The following MAVS variants were observed in gnomAD, a reference collection of about 807,000 sequenced individuals.
MAVS encodes mitochondrial antiviral signaling protein, also known as mitochondrial antiviral-signaling protein.
A neutral mutation model predicts 30.2 loss-of-function variants in MAVS; 20 were observed. That is an observed-to-expected ratio of 0.66 (90% CI 0.47 to 0.96). The LOEUF (loss-of-function observed/expected upper bound fraction) is 0.96, where lower values mean the gene tolerates loss of function less well. MAVS is among the 40% of genes least tolerant of loss of function. MAVS has a pLI of 0.00. For synonymous variants in MAVS, 278 were observed against 293.9 expected, an observed-to-expected ratio of 0.95 and a Z score of 0.55; for missense variants, 624 against 701.1, an observed-to-expected ratio of 0.89 and a Z score of 1.24.
chr20:3,854,893 T>TTTC (rs1555779992), intron 2 of MAVS, 152 bp downstream of exon 2: 70 of 314,354 alleles, frequency 2.2e-4, no homozygotes, highest in East Asian at 8.6e-4. Flanking sequence ...CTGCTTTTCT[T>TTTC]TTTTTTTTTT....
At chr20:3,853,290 T>A (rs553276658) in intron 1 of MAVS, among the ~76,000 whole-genome samples, 6 of 150,018 alleles carry the variant, frequency 4.0e-5, no homozygotes, top group Admixed American at 6.6e-5. Flanking sequence ...ATCGAGACCA[T>A]CCTGGCTAAC....
At chr20:3,852,181 A>C (rs1263138889) in intron 1 of MAVS, among the ~76,000 whole-genome samples, 5 of 151,880 alleles carry the variant, frequency 3.3e-5, no homozygotes, top group Non-Finnish European at 5.9e-5. Context: ...TTTTTAGTAG[A>C]GACGGGGTTT....
At chr20:3,850,388 G>A (rs532920799) in intron 1 of MAVS, among the ~76,000 whole-genome samples, 37 of 150,740 alleles carry the variant, frequency 2.5e-4, no homozygotes, top group African/African-American at 7.1e-4. Context: ...ACCTGAGGTC[G>A]GGAGTTCGAG....
At position 3,866,946 on chromosome 20, in the gene MAVS, T is replaced by G; in HGVS notation, c.*799T>G. 1 of 456,926 alleles carries G rather than the reference T, an allele frequency of 2.2e-6. No individual in the cohort carries two copies. Among genetic ancestry groups the G allele is most frequent in the Non-Finnish European group, 4.4e-6 (1 of 226,982 alleles). 28.3% of individuals were successfully genotyped at this position (456,926 alleles called of 1,614,324 possible). On this transcript the variant is annotated 3_prime_UTR_variant, in exon 7 of 7. Coordinates refer to ENST00000428216, the MANE Select transcript of MAVS (RefSeq NM_020746.5). ...CCTCACTTCCGGGGCTGTGTGGCTT[T>G]GGCAGATGTCAGACTTCTGGTCTTG... is the stretch of plus-strand genomic sequence containing the variant.
In MAVS at chr20:3,866,903, A is replaced by G; in HGVS notation, c.*756A>G. ...CACCTGGTGGGCAGAGCTCAGGCAG[A>G]GGTTTGGATTTCAGCTCCCTCACTT... On this transcript the variant is annotated 3_prime_UTR_variant, in exon 7 of 7. Transcript: ENST00000428216. 1 of 457,142 alleles carries G rather than the reference A, an allele frequency of 2.2e-6. No homozygotes were observed. Among genetic ancestry groups the G allele is most frequent in the Middle Eastern group, 3.3e-4 (1 of 3,076 alleles). 28.3% of individuals were successfully genotyped at this position (457,142 alleles called of 1,614,324 possible).
At chr20:3,855,036 G>T (rs1468157278) in intron 2 of MAVS, among the ~76,000 whole-genome samples, 3 of 151,968 alleles carry the variant, frequency 2.0e-5, no homozygotes, top group Admixed American at 2.0e-4. Flanking sequence ...GATTACAGGT[G>T]CGTGCCACCA....
rs1431362232 is a variant in MAVS, at chr20:3,873,176, T to C, written c.*7029T>C. ...ATCTAAGTCAGTGCTGTGTTGTGAA[T>C]GTAGGTGTACCCTTTGAATTCATAT... On this transcript the variant is annotated 3_prime_UTR_variant, in exon 7 of 7. Transcript: ENST00000428216. 6.6e-6 allele frequency: 1 copy of C among 152,106 alleles called. No homozygotes were observed. The highest frequency in any genetic ancestry group is 2.4e-5 in the African/African-American group (1 of 41,402). The allele number at this position is 152,106 out of a possible 1,614,324, so 9.4% of individuals were successfully genotyped here. A position where few individuals can be genotyped will look rare whatever the true frequency, so the allele number is the denominator to read the frequency against.
rs769995482 is a variant in MAVS, at chr20:3,866,161, T to C, written c.*14T>C. 1.9e-6 allele frequency: 3 copies of C among 1,559,490 alleles called. No homozygotes were observed. Among genetic ancestry groups the C allele is most frequent in the East Asian group, 2.3e-5 (1 of 44,306 alleles). On this transcript the variant is annotated 3_prime_UTR_variant, in exon 7 of 7. Transcript: ENST00000428216. ...CGTCTGCACTAGTGAAGCCCTGGGC[T>C]CTTCCCACCACCCATCTGTTCCGTT...
chr20:3,862,603 G>GT (rs2089875268), intron 5 of MAVS, among the ~76,000 whole-genome samples, 190 bp downstream of exon 5: 1 of 149,552 alleles, frequency 6.7e-6, no homozygotes, highest in Admixed American at 6.7e-5. Flanking sequence ...GTCCACTCCA[G>GT]TTTTCCAAAT....
rs142525670 is a variant in MAVS at position 3,860,404 on chromosome 20, C to T, written c.293-928C>T. On this transcript the variant is annotated intron_variant, in intron 3 of 6. Transcript: ENST00000428216. ...TTTTTTTTTTTTTGAGACGGAGTCT[C>T]GCTCTTGTTGCCCAGGCTGGAGTGC... Among the ~76,000 whole-genome samples, 259 of 138,684 alleles carry T rather than the reference C, an allele frequency of 1.9e-3. 2 individuals carry two copies. Among genetic ancestry groups the T allele is most frequent in the African/African-American group, 6.8e-3 (246 of 35,960 alleles). The allele number at this position is 138,684 out of a possible 152,430, so 91.0% of individuals were successfully genotyped here.
intron 1 of MAVS, among the ~76,000 whole-genome samples, chr20:3,848,989 G>A (rs1164760284): frequency 6.6e-6 from 1 of 151,888 alleles, no homozygotes; most frequent in Non-Finnish European, 1.5e-5. Context: ...CTCCTTACTG[G>A]TCTCCCAGTT....
intron 1 of MAVS, among the ~76,000 whole-genome samples, chr20:3,847,188 G>C (rs569834246): frequency 6.6e-6 from 1 of 152,192 alleles, no homozygotes; most frequent in Non-Finnish European, 1.5e-5. Flanking sequence ...GGCCAGAAGG[G>C]GACGGGCAGC....
chr20:3,864,105 C>T, intron 5 of MAVS, 151 bp from the exon 6 acceptor site: 1 of 873,166 alleles, frequency 1.1e-6, no homozygotes, highest in Non-Finnish European at 1.8e-6. Flanking sequence ...AAGCAGTGAC[C>T]AAAGGGACTG....
At chr20:3,863,055 C>T (rs1161375189) in intron 5 of MAVS, among the ~76,000 whole-genome samples, 1 of 152,166 alleles carries the variant, frequency 6.6e-6, no homozygotes, top group African/African-American at 2.4e-5. Flanking sequence ...CTGTAGGGAA[C>T]AGCCAGGGCC....
chr20:3,853,727 G>A lies in MAVS; in HGVS notation c.-67-831G>A, dbSNP rs535795089. Among the ~76,000 whole-genome samples the A allele has an allele frequency of 7.2e-5, 11 of 152,120 alleles. No individual in the cohort carries two copies. The South Asian group carries it at 2.3e-3, about 32-fold the overall frequency. The stretch of plus-strand genomic sequence containing the variant: ...GAGGATTGCTTGAGCCCACGAGTTC[G>A]AGGCTGCAGTGAACTATTATTGCAC... On this transcript the variant is annotated intron_variant, in intron 1 of 6. Transcript: ENST00000428216.
rs1045990062 is a variant in MAVS, at chr20:3,867,080, T to A, written c.*933T>A. 8.8e-6 allele frequency: 4 copies of A among 456,518 alleles called. No homozygotes were observed. The highest frequency in any genetic ancestry group is 1.8e-5 in the Non-Finnish European group (4 of 226,952). The allele number at this position is 456,518 out of a possible 1,614,324, so 28.3% of individuals were successfully genotyped here. A position where few individuals can be genotyped will look rare whatever the true frequency, so the allele number is the denominator to read the frequency against. On this transcript the variant is annotated 3_prime_UTR_variant, in exon 7 of 7. Transcript: ENST00000428216. ...TGGCCCAGAGCAAGTGGCCACTGCTTCTCCCATCTCTCTCCTGCCCAACCT... is the reference window on the plus strand; with the variant it reads ...TGGCCCAGAGCAAGTGGCCACTGCTACTCCCATCTCTCTCCTGCCCAACCT...
At chr20:3,860,865 C>T (rs190974086) in intron 3 of MAVS, among the ~76,000 whole-genome samples, 11 of 151,864 alleles carry the variant, frequency 7.2e-5, no homozygotes, top group African/African-American at 1.9e-4. Context: ...TTAGTAGAGA[C>T]GGGGTTTCAC....
chr20:3,862,943 T>C (rs1467659436), intron 5 of MAVS, among the ~76,000 whole-genome samples: 3 of 151,968 alleles, frequency 2.0e-5, no homozygotes, highest in South Asian at 2.1e-4. Context: ...AGTAGGGAAA[T>C]AGACTCCCTC....
intron 2 of MAVS, 23 bp from the exon 3 acceptor site, chr20:3,857,612 G>A (rs772702747): frequency 1.9e-6 from 3 of 1,596,050 alleles, no homozygotes; most frequent in East Asian, 2.2e-5. Context: ...GCTTGAGCAG[G>A]ACAGTGGCAT....
Sources: allele counts gnomAD v4.1 joint callset (sites outside exome capture counted in the v4.1 genomes callset), GRCh38; gene constraint gnomAD v4.1.1; transcripts MANE v1.5; gene names NCBI Gene and HGNC (gene_info 2026-07-23, HGNC 2026-07-21).